The following DYRK1A variants were observed in gnomAD, a reference collection of about 807,000 sequenced individuals.
DYRK1A encodes the protein dual specificity tyrosine phosphorylation regulated kinase 1A.
DYRK1A carries 9 observed loss-of-function variants against 79.7 expected under a neutral mutation model. The observed-to-expected ratio is 0.11, with a 90% CI of 0.07 to 0.20. The LOEUF is 0.20. Among genes scored for constraint, DYRK1A ranks in the 10% least tolerant of loss-of-function variants. The pLI, the probability that DYRK1A is intolerant of heterozygous loss-of-function variation, is 1.00. For synonymous variants in DYRK1A, 349 were observed against 329.7 expected (o/e 1.06, Z -0.63); for missense variants, 622 against 956.0 (o/e 0.65, Z 4.61).
At chr21:37,474,371 C>G (rs894828839) in intron 3 of DYRK1A, among the ~76,000 whole-genome samples, 6 of 152,128 alleles carry the variant, frequency 3.9e-5, no homozygotes, top group South Asian at 2.1e-4. Context: ...CTATGAAATA[C>G]TTTTAAAGAT....
chr21:37,420,921 G>C (rs1449259336), intron 2 of DYRK1A, among the ~76,000 whole-genome samples: 3 of 151,476 alleles, frequency 2.0e-5, no homozygotes, highest in Non-Finnish European at 4.4e-5. Context: ...TTTGTCATTT[G>C]TATTTTTATA....
rs1266027958 is a variant in DYRK1A at position 37,519,296 on chromosome 21, A to G, written c.*6765A>G. ...TTACAGTTTCCCTCTCTAGAATCCCAAAGAGGTTCAGATCCCACTGCTCCT... is the reference window on the plus strand; with the variant it reads ...TTACAGTTTCCCTCTCTAGAATCCCGAAGAGGTTCAGATCCCACTGCTCCT... On this transcript the variant is annotated 3_prime_UTR_variant, in exon 12 of 12. Coordinates refer to ENST00000647188, the MANE Select transcript of DYRK1A (RefSeq NM_001347721.2). 1 of 152,208 alleles carries G rather than the reference A, an allele frequency of 6.6e-6. No homozygotes were observed. The highest frequency in any genetic ancestry group is 1.9e-4 in the East Asian group (1 of 5,194). 9.4% of individuals were successfully genotyped at this position (152,208 alleles called of 1,614,324 possible). A position where few individuals can be genotyped will look rare whatever the true frequency, so the allele number is the denominator to read the frequency against.
At chr21:37,436,883 A>G (rs1569320383) in intron 2 of DYRK1A, among the ~76,000 whole-genome samples, 1 of 152,238 alleles carries the variant, frequency 6.6e-6, no homozygotes, top group Non-Finnish European at 1.5e-5. Context: ...TCTTTACATA[A>G]CTATATGACA....
chr21:37,493,633 C>T (rs1394042320), intron 8 of DYRK1A, among the ~76,000 whole-genome samples: 2 of 152,168 alleles, frequency 1.3e-5, no homozygotes, highest in Non-Finnish European at 2.9e-5. Context: ...GTTCTGAAGT[C>T]TACAGGTTTT....
intron 1 of DYRK1A, among the ~76,000 whole-genome samples, chr21:37,413,670 C>T (rs2050283180): frequency 6.6e-6 from 1 of 152,136 alleles, no homozygotes; most frequent in African/African-American, 2.4e-5. Context: ...CAATAGATAG[C>T]ACTAAGCGCT....
intron 1 of DYRK1A, among the ~76,000 whole-genome samples, chr21:37,408,723 A>G (rs1380231453): frequency 6.6e-6 from 1 of 152,228 alleles, no homozygotes; most frequent in Admixed American, 6.5e-5. Flanking sequence ...TACTTATCTC[A>G]TCTTCAATAT....
At chr21:37,411,093 C>T (rs904986520) in intron 1 of DYRK1A, among the ~76,000 whole-genome samples, 3 of 139,784 alleles carry the variant, frequency 2.1e-5, no homozygotes, top group African/African-American at 5.3e-5. Context: ...CGTGGTGGCT[C>T]ACACCTGTAA....
intron 4 of DYRK1A, among the ~76,000 whole-genome samples, 162 bp from the exon 5 acceptor site, chr21:37,480,476 A>G (rs373961951): frequency 2.8e-4 from 43 of 152,382 alleles, no homozygotes; most frequent in African/African-American, 8.9e-4. Context: ...CAGTATAACT[A>G]TAATGAATTT....
At position 37,428,055 on chromosome 21, in the gene DYRK1A, A is replaced by G. The variant is rs73408662; in HGVS notation, c.10+7671A>G. ...TCCTAATGATAACTCTGGTACAGGTACTGTGATTGACCCAGACAGAGGTTC... is the reference window on the plus strand; with the variant it reads ...TCCTAATGATAACTCTGGTACAGGTGCTGTGATTGACCCAGACAGAGGTTC... On this transcript the variant is annotated intron_variant, in intron 2 of 11. Coordinates refer to ENST00000647188, the MANE Select transcript of DYRK1A (RefSeq NM_001347721.2). 7.4e-3 allele frequency among the ~76,000 whole-genome samples: 1,131 copies of G among 152,240 alleles called. 14 individuals carry two copies. Among genetic ancestry groups the G allele is most frequent in the African/African-American group, 0.026 (1,069 of 41,512 alleles).
At chr21:37,395,923 A>C (rs1000409173) in intron 1 of DYRK1A, among the ~76,000 whole-genome samples, 1 of 152,208 alleles carries the variant, frequency 6.6e-6, no homozygotes, top group African/African-American at 2.4e-5. Context: ...AAAACTCTTC[A>C]TGTTTTCCAC....
intron 2 of DYRK1A, among the ~76,000 whole-genome samples, chr21:37,442,371 A>G (rs900739895): frequency 2.6e-5 from 4 of 152,166 alleles, no homozygotes; most frequent in African/African-American, 9.7e-5. Flanking sequence ...CCCAGAACTC[A>G]GTGAATGTCT....
At chr21:37,484,650 T>G (rs1286930002) in intron 5 of DYRK1A, among the ~76,000 whole-genome samples, 1 of 152,140 alleles carries the variant, frequency 6.6e-6, no homozygotes, top group Non-Finnish European at 1.5e-5. Context: ...ACTTTCTAAC[T>G]TTCCTGACAT....
At chr21:37,373,033 G>C (rs543945535) in intron 1 of DYRK1A, among the ~76,000 whole-genome samples, 1 of 152,168 alleles carries the variant, frequency 6.6e-6, no homozygotes, top group South Asian at 2.1e-4. Context: ...AGTTTTTCTT[G>C]ATCATGGCTG....
intron 2 of DYRK1A, among the ~76,000 whole-genome samples, chr21:37,429,135 T>G (rs2050707473): frequency 6.6e-6 from 1 of 152,148 alleles, no homozygotes. Context: ...CAAAATATAC[T>G]CCATGGAATC....
intron 2 of DYRK1A, among the ~76,000 whole-genome samples, chr21:37,441,999 G>T: frequency 6.8e-6 from 1 of 146,478 alleles, no homozygotes. Flanking sequence ...CAGTGGGTAT[G>T]GAACTCTAAA....
At chr21:37,376,264 C>T (rs1423927007) in intron 1 of DYRK1A, among the ~76,000 whole-genome samples, 1 of 152,154 alleles carries the variant, frequency 6.6e-6, no homozygotes, top group East Asian at 1.9e-4. Flanking sequence ...AATCGCAGCA[C>T]TTTGGGAGGC....
chr21:37,369,077 TTGA>T (rs1463142606), intron 1 of DYRK1A, among the ~76,000 whole-genome samples: 3 of 152,252 alleles, frequency 2.0e-5, no homozygotes, highest in Non-Finnish European at 2.9e-5. Flanking sequence ...TTTTTGAGTA[TTGA>T]TGAGTCATAA....
At chr21:37,403,239 A>T (rs544721985) in intron 1 of DYRK1A, among the ~76,000 whole-genome samples, 9 of 151,770 alleles carry the variant, frequency 5.9e-5, no homozygotes, top group African/African-American at 2.2e-4. Context: ...TTCTGCTGAG[A>T]TCCCCTATCT....
intron 9 of DYRK1A, among the ~76,000 whole-genome samples, chr21:37,500,378 T>C (rs1481180026): frequency 1.3e-5 from 2 of 152,220 alleles, no homozygotes; most frequent in Non-Finnish European, 2.9e-5. Context: ...TTTGCTAATC[T>C]CTTGGTAAGG....
Sources: allele counts gnomAD v4.1 joint callset (sites outside exome capture counted in the v4.1 genomes callset), GRCh38; gene constraint gnomAD v4.1.1; transcripts MANE v1.5; gene names NCBI Gene and HGNC (gene_info 2026-07-23, HGNC 2026-07-21).